Variants in GPC3 observed in about 807,000 individuals in gnomAD.
GPC3 encodes glypican 3.
A neutral mutation model predicts 34.4 loss-of-function variants in GPC3; 3 were observed. The ratio of observed to expected loss-of-function variants is 0.09; its 90% CI spans 0.04 to 0.23. The LOEUF (loss-of-function observed/expected upper bound fraction) is 0.23. Among genes scored for constraint, GPC3 ranks in the 10% least tolerant of loss-of-function variants. The pLI is 1.00. For missense variants in GPC3, 351 were observed against 445.6 expected (o/e 0.79, Z 1.91); for synonymous variants, 177 against 174.0 (o/e 1.02, Z -0.13).
chrX:133,968,186 C>T (rs1158496085), intron 1 of GPC3, among the ~76,000 whole-genome samples: 2 of 112,539 alleles, frequency 1.8e-5, no homozygotes, highest in African/African-American at 6.5e-5. Flanking sequence ...AGCATTCCCA[C>T]AGGTTCAAGC....
At chrX:133,677,960 TCCA>T (rs1244004757) in intron 5 of GPC3, among the ~76,000 whole-genome samples, 4 of 111,196 alleles carry the variant, frequency 3.6e-5, no homozygotes, top group African/African-American at 6.6e-5. Flanking sequence ...CGTCAGGATT[TCCA>T]CCAAGAATAG....
chrX:133,740,835 A>G (rs2071557688), intron 3 of GPC3, among the ~76,000 whole-genome samples: 2 of 110,805 alleles, frequency 1.8e-5, no homozygotes, highest in African/African-American at 3.3e-5. Flanking sequence ...TTTTTTCAAA[A>G]AGCTCATCAA....
At chrX:133,826,914 C>T (rs757445733) in intron 2 of GPC3, among the ~76,000 whole-genome samples, 82 of 111,905 alleles carry the variant, frequency 7.3e-4, no homozygotes, top group Middle Eastern at 4.6e-3. Flanking sequence ...GAATACCTGT[C>T]AAACAAAGAG....
chrX:133,680,035 A>G (rs1364997795), intron 5 of GPC3, among the ~76,000 whole-genome samples: 1 of 111,701 alleles, frequency 9.0e-6, no homozygotes, highest in East Asian at 2.8e-4. Flanking sequence ...CGCTGGGGAC[A>G]TGCTAGAGAG....
Position 133,704,358 on chromosome X carries a change from T to G in GPC3, c.1033-4330A>C, listed in dbSNP as rs754239838. On this transcript the variant is annotated intron_variant, in intron 3 of 7. Transcript: ENST00000370818. The stretch of plus-strand genomic sequence containing the variant: ...GGGAAAATTTTATTTTCTTGACCTA[T>G]GCCTGAGGAACCTGTAATAAAAGAC... 1.7e-5 allele frequency: 7 copies of G among 407,760 alleles called. No homozygotes were observed. In the South Asian group the frequency reaches 4.0e-4, roughly 23 times the overall value. The allele number at this position is 407,760 out of a possible 1,213,427, so 33.6% of individuals were successfully genotyped here.
At chrX:133,596,305 G>GTC (rs2069913724) in intron 7 of GPC3, 135 bp downstream of exon 7, 1 of 598,230 alleles carries the variant, frequency 1.7e-6, no homozygotes, top group African/African-American at 2.2e-5. Context: ...AGCTTGTATA[G>GTC]TCTTTCCTTG....
At chrX:133,786,151 G>T (rs1469408296) in intron 2 of GPC3, among the ~76,000 whole-genome samples, 2 of 112,514 alleles carry the variant, frequency 1.8e-5, no homozygotes, top group Non-Finnish European at 3.8e-5. Flanking sequence ...CCAACACTTT[G>T]GGAGGCCGAG....
chrX:133,790,626 AACCAGTT>A (rs2072151177), intron 2 of GPC3, among the ~76,000 whole-genome samples: 1 of 111,601 alleles, frequency 9.0e-6, no homozygotes. Context: ...ATAAATGCTA[AACCAGTT>A]ACCCACTCTA....
intron 5 of GPC3, chrX:133,671,128 C>G (rs2070822941): frequency 1.0e-6 from 1 of 969,526 alleles, no homozygotes; most frequent in Admixed American, 2.2e-5. Flanking sequence ...CCAAAATGTA[C>G]AAGACCACAC....
intron 2 of GPC3, among the ~76,000 whole-genome samples, chrX:133,839,920 T>C (rs1603257268): frequency 1.4e-5 from 1 of 73,112 alleles, no homozygotes. Flanking sequence ...AGAGCGAGAC[T>C]CCGTTTCAAA....
intron 3 of GPC3, among the ~76,000 whole-genome samples, chrX:133,717,008 T>C (rs1291873008): frequency 1.8e-5 from 2 of 111,105 alleles, no homozygotes; most frequent in Non-Finnish European, 3.8e-5. Context: ...TCGCCCAGGC[T>C]GGAGGGCAGT....
At chrX:133,788,488 C>A (rs937345507) in intron 2 of GPC3, among the ~76,000 whole-genome samples, 2 of 109,767 alleles carry the variant, frequency 1.8e-5, no homozygotes, top group Non-Finnish European at 3.8e-5. Context: ...CAGTCACACA[C>A]CCCTTACCTA....
intron 2 of GPC3, among the ~76,000 whole-genome samples, chrX:133,933,868 G>GTTT (rs145289700): frequency 3.3e-5 from 3 of 90,130 alleles, no homozygotes; most frequent in South Asian, 5.1e-4. Context: ...TTTTTTTTTT[G>GTTT]TTTTTTTTTT....
At chrX:133,920,148 A>G (rs1400138818) in intron 2 of GPC3, among the ~76,000 whole-genome samples, 1 of 108,241 alleles carries the variant, frequency 9.2e-6, no homozygotes, top group Non-Finnish European at 1.9e-5. Context: ...TGGGCAACAG[A>G]GTAAGATCCT....
chrX:133,780,554 G>A (rs1390483191), intron 2 of GPC3, among the ~76,000 whole-genome samples: 3 of 111,471 alleles, frequency 2.7e-5, no homozygotes, highest in African/African-American at 9.8e-5. Context: ...AGCTAATTGT[G>A]AGTTCCAGCT....
rs188396225 is a variant in GPC3, at chrX:133,937,899, C to T, written c.337+15151G>A. 6.9e-4 allele frequency among the ~76,000 whole-genome samples: 77 copies of T among 111,828 alleles called. 1 individual carries two copies. The East Asian group carries it at 0.021, about 30-fold the overall frequency. ...CTTATAACATAAAACATGTTCAATT[C>T]GAATTTCCCTCCTGGGAAACTGAAA... On this transcript the variant is annotated intron_variant, in intron 2 of 7. Transcript: ENST00000370818.
chrX:133,722,540 A>G (rs188443633), intron 3 of GPC3, among the ~76,000 whole-genome samples: 245 of 112,498 alleles, frequency 2.2e-3, no homozygotes, highest in Non-Finnish European at 3.4e-3. Flanking sequence ...TGTCGTTTTC[A>G]TAATTCATTT....
chrX:133,725,452 T>C (rs755282235), intron 3 of GPC3, among the ~76,000 whole-genome samples: 18 of 112,602 alleles, frequency 1.6e-4, no homozygotes, highest in Non-Finnish European at 3.4e-4. Context: ...TATTACAAAA[T>C]ATTAGTAGAC....
chrX:133,761,085 T>A (rs1462398271), intron 2 of GPC3, among the ~76,000 whole-genome samples: 1 of 111,536 alleles, frequency 9.0e-6, no homozygotes, highest in Non-Finnish European at 1.9e-5. Flanking sequence ...GCTTTGACAT[T>A]TCTTTCATGA....
Sources: allele counts gnomAD v4.1 joint callset (sites outside exome capture counted in the v4.1 genomes callset), GRCh38; gene constraint gnomAD v4.1.1; transcripts MANE v1.5; gene names NCBI Gene and HGNC (gene_info 2026-07-23, HGNC 2026-07-21).